Variants in LRFN5 observed in about 807,000 individuals in gnomAD.
LRFN5 encodes leucine rich repeat and fibronectin type III domain containing 5.
A neutral mutation model predicts 45.6 loss-of-function variants in LRFN5; 24 were observed. The ratio of observed to expected loss-of-function variants is 0.53; its 90% confidence interval spans 0.38 to 0.74. LRFN5 has a LOEUF of 0.74. LRFN5 is among the 30% of genes least tolerant of loss of function. LRFN5 has a pLI of 0.00. For synonymous variants in LRFN5, 340 were observed against 313.8 expected (o/e 1.08, Z -0.88); for missense variants, 776 against 861.5 (o/e 0.90, Z 1.24).
At chr14:41,877,738 A>T (rs563985994) in intron 2 of LRFN5, among the ~76,000 whole-genome samples, 1 of 152,246 alleles carries the variant, frequency 6.6e-6, no homozygotes, top group East Asian at 1.9e-4. Context: ...AAGTATAATA[A>T]GTCAACATTT....
chr14:41,788,520 A>G (rs1233002877), intron 2 of LRFN5, among the ~76,000 whole-genome samples: 2 of 151,692 alleles, frequency 1.3e-5, no homozygotes, highest in Non-Finnish European at 2.9e-5. Flanking sequence ...CTCTATTTAC[A>G]TAAAAGAGGG....
At chr14:41,811,412 C>A (rs968995765) in intron 2 of LRFN5, among the ~76,000 whole-genome samples, 1 of 152,034 alleles carries the variant, frequency 6.6e-6, no homozygotes, top group Admixed American at 6.6e-5. Context: ...GCAATCCTTG[C>A]CTTGGGTATA....
At chr14:41,829,231 A>T (rs1447170201) in intron 2 of LRFN5, among the ~76,000 whole-genome samples, 2 of 152,004 alleles carry the variant, frequency 1.3e-5, no homozygotes, top group Non-Finnish European at 2.9e-5. Context: ...TTCTGTGAAC[A>T]TAGAACTGAT....
At chr14:41,648,776 T>A (rs1023389123) in intron 1 of LRFN5, among the ~76,000 whole-genome samples, 2 of 152,128 alleles carry the variant, frequency 1.3e-5, no homozygotes, top group African/African-American at 2.4e-5. Context: ...ACTTTTGTTT[T>A]TTTTTGGAAC....
chr14:41,862,861 CTTTTTTTTT>C (rs536861522), intron 2 of LRFN5, among the ~76,000 whole-genome samples: 4 of 110,232 alleles, frequency 3.6e-5, no homozygotes, highest in African/African-American at 6.9e-5. Context: ...TTAAGTCTCT[CTTTTTTTTT>C]TTTTTTTTTT....
intron 2 of LRFN5, among the ~76,000 whole-genome samples, chr14:41,783,804 A>G (rs1213627424): frequency 6.6e-6 from 1 of 152,126 alleles, no homozygotes; most frequent in Admixed American, 6.6e-5. Flanking sequence ...ATTATCATGT[A>G]TTACTCTGAA....
chr14:41,704,434 C>CTGTGTGTGTGTGTG (rs1255294858), intron 1 of LRFN5, among the ~76,000 whole-genome samples: 2,186 of 42,904 alleles, frequency 0.051, 32 homozygotes, highest in South Asian at 0.088. Context: ...CTCTCTCTCT[C>CTGTGTGTGTGTGTG]TCTCTCTCTC....
chr14:41,791,310 A>G (rs1208628136), intron 2 of LRFN5, among the ~76,000 whole-genome samples: 1 of 152,044 alleles, frequency 6.6e-6, no homozygotes, highest in East Asian at 1.9e-4. Flanking sequence ...AAGATCTGCT[A>G]TGTATCATTT....
chr14:41,869,107 G>T (rs113747067), intron 2 of LRFN5, among the ~76,000 whole-genome samples: 4 of 152,114 alleles, frequency 2.6e-5, no homozygotes, highest in African/African-American at 9.7e-5. Context: ...ACATGTTACT[G>T]CTGGAGTGGT....
At chr14:41,665,929 C>T (rs947898361) in intron 1 of LRFN5, among the ~76,000 whole-genome samples, 4 of 151,814 alleles carry the variant, frequency 2.6e-5, no homozygotes, top group African/African-American at 7.3e-5. Context: ...TTTCATCAAA[C>T]TTGGGTTACT....
intron 2 of LRFN5, among the ~76,000 whole-genome samples, chr14:41,846,498 C>T (rs767129016): frequency 2.0e-5 from 3 of 152,006 alleles, no homozygotes; most frequent in African/African-American, 4.8e-5. Flanking sequence ...CAAAAAAATA[C>T]TGTATGATTC....
chr14:41,622,127 C>CTTT (rs35981090), intron 1 of LRFN5, among the ~76,000 whole-genome samples: 49 of 144,860 alleles, frequency 3.4e-4, no homozygotes, highest in African/African-American at 9.8e-4. Context: ...TTCCATCCCT[C>CTTT]TTTTTTTTTT....
At chr14:41,639,272 G>A (rs1206882989) in intron 1 of LRFN5, among the ~76,000 whole-genome samples, 3 of 152,096 alleles carry the variant, frequency 2.0e-5, no homozygotes, top group Non-Finnish European at 2.9e-5. Flanking sequence ...TGCCTTCAAA[G>A]GATGGACAGT....
At chr14:41,892,572 T>G in intron 4 of LRFN5, 3 of 980,494 alleles carry the variant, frequency 3.1e-6, no homozygotes, top group Non-Finnish European at 3.6e-6. Context: ...CTTTCAATGG[T>G]AATAGTGTTT....
chr14:41,740,037 A>T (rs368007442), intron 1 of LRFN5, among the ~76,000 whole-genome samples: 10 of 152,078 alleles, frequency 6.6e-5, no homozygotes, highest in African/African-American at 2.2e-4. Flanking sequence ...AAGTAAGGAG[A>T]TTGAATCAAC....
chr14:41,647,734 A>G (rs1879885561), intron 1 of LRFN5, among the ~76,000 whole-genome samples: 1 of 152,192 alleles, frequency 6.6e-6, no homozygotes, highest in Admixed American at 6.5e-5. Context: ...AACTTAACAT[A>G]AGAAGAGATG....
At chr14:41,845,370 G>T (rs533475077) in intron 2 of LRFN5, among the ~76,000 whole-genome samples, 1 of 151,942 alleles carries the variant, frequency 6.6e-6, no homozygotes, top group Non-Finnish European at 1.5e-5. Context: ...TTCATATATA[G>T]TTATACAACC....
chr14:41,662,112 G>A lies in LRFN5; in HGVS notation c.-197+53550G>A, dbSNP rs533986022. Among the ~76,000 whole-genome samples the A allele has an allele frequency of 3.9e-5, 6 of 152,072 alleles. No individual in the cohort carries two copies. The South Asian group carries it at 1.2e-3, about 32-fold the overall frequency. ...CTCTTTTATGAACTCACAGATAACA[G>A]GGCCAGCTTTATTCAGGGGCCTGGG... is the stretch of plus-strand genomic sequence containing the variant. On this transcript the variant is annotated intron_variant, in intron 1 of 5. Coordinates refer to ENST00000298119, the MANE Select transcript of LRFN5 (RefSeq NM_152447.5).
chr14:41,846,999 A>G (rs573404509), intron 2 of LRFN5, among the ~76,000 whole-genome samples: 36 of 152,286 alleles, frequency 2.4e-4, no homozygotes, highest in African/African-American at 8.7e-4. Flanking sequence ...AGTAACATTC[A>G]TAGATTCCAG....
Sources: gnomAD v4.1 joint callset for allele counts (sites outside exome capture counted in the v4.1 genomes callset) on GRCh38, gnomAD v4.1.1 for gene constraint, MANE v1.5 for transcripts, NCBI Gene and HGNC (gene_info 2026-07-23, HGNC 2026-07-21) for gene names.